ST8SIA1: variants seen among roughly 807,000 people sequenced by gnomAD.
ST8SIA1 encodes alpha-N-acetylneuraminide alpha-2,8-sialyltransferase.
ST8SIA1 carries 16 observed loss-of-function variants against 35.9 expected under a neutral mutation model. The ratio of observed to expected loss-of-function variants is 0.45; its 90% CI spans 0.30 to 0.68. The LOEUF (loss-of-function observed/expected upper bound fraction) is 0.68, where lower values mean the gene tolerates loss of function less well. Ranked by LOEUF, ST8SIA1 falls within the 30% of genes least tolerant of loss-of-function variation. The probability of loss-of-function intolerance (pLI) is 0.09; values close to 1 mark genes in which losing one functional copy is unlikely to be tolerated. For synonymous variants in ST8SIA1, 170 were observed against 169.6 expected (o/e 1.00, Z -0.02); for missense variants, 383 against 453.6 (o/e 0.84, Z 1.41).
chr12:22,319,158 T>TA (rs1866553016), intron 1 of ST8SIA1, among the ~76,000 whole-genome samples: 1 of 152,210 alleles, frequency 6.6e-6, no homozygotes, highest in South Asian at 2.1e-4. Flanking sequence ...TTGCGAATGT[T>TA]AAATGATAAG....
At chr12:22,320,616 G>A (rs374984721) in intron 1 of ST8SIA1, among the ~76,000 whole-genome samples, 84 of 152,176 alleles carry the variant, frequency 5.5e-4, no homozygotes, top group African/African-American at 1.6e-3. Flanking sequence ...AGGCCGAGGC[G>A]GGAGGATCGC....
At chr12:22,311,950 T>C (rs1415972478) in intron 1 of ST8SIA1, among the ~76,000 whole-genome samples, 1 of 152,112 alleles carries the variant, frequency 6.6e-6, no homozygotes, top group Admixed American at 6.6e-5. Context: ...AATTGAGGAA[T>C]TAGTCAGTGG....
intron 4 of ST8SIA1, among the ~76,000 whole-genome samples, chr12:22,210,772 C>T (rs1865167927): frequency 6.6e-6 from 1 of 152,220 alleles, no homozygotes; most frequent in South Asian, 2.1e-4. Context: ...TGCCTCTTCA[C>T]ATATTTTAGG....
chr12:22,227,737 C>T (rs1290807691), intron 4 of ST8SIA1, among the ~76,000 whole-genome samples: 1 of 152,164 alleles, frequency 6.6e-6, no homozygotes, highest in Non-Finnish European at 1.5e-5. Context: ...ATCCTTTTAT[C>T]TTCAGGCACT....
rs758487384 is a variant in ST8SIA1, at chr12:22,201,681, G to A, written c.942C>T (p.Asn314=). Residue 314 remains asparagine (N), a synonymous_variant, in exon 5 of 5, where the codon AAC becomes AAT. Coordinates refer to ENST00000396037, the MANE Select transcript of ST8SIA1 (RefSeq NM_003034.4). Reference sequence around the variant, plus strand: ...CATGGAAGCCAGAAAAGGGTAAGACGTTGTCATAGTAGTGGTGGCTGATGG... The same window carrying A: ...CATGGAAGCCAGAAAAGGGTAAGACATTGTCATAGTAGTGGTGGCTGATGG... ...EQPISHHYYD[N]VLPFSGFHAM... is the part of the protein sequence containing the mutation. 18 of 1,614,006 alleles carry A rather than the reference G, an allele frequency of 1.1e-5. No individual in the cohort carries two copies. The African/African-American group carries it at 1.2e-4, about 11-fold the overall frequency.
At chr12:22,314,566 C>G (rs10492283) in intron 1 of ST8SIA1, among the ~76,000 whole-genome samples, 49,777 of 152,046 alleles carry the variant, frequency 0.33, 8,902 homozygotes, top group Middle Eastern at 0.54. Context: ...TTCTGGTCCA[C>G]ATTCCATGAT....
chr12:22,306,433 T>C (rs1866384105), intron 1 of ST8SIA1, among the ~76,000 whole-genome samples: 1 of 152,156 alleles, frequency 6.6e-6, no homozygotes, highest in Non-Finnish European at 1.5e-5. Flanking sequence ...ACAAGCAAAG[T>C]ACAATTTTTG....
chr12:22,327,036 C>T (rs149602202), intron 1 of ST8SIA1, among the ~76,000 whole-genome samples: 97 of 152,276 alleles, frequency 6.4e-4, no homozygotes, highest in African/African-American at 2.2e-3. Context: ...GACTGATAGA[C>T]TCCCAAGTTA....
chr12:22,204,351 C>T (rs1865083708), intron 4 of ST8SIA1, among the ~76,000 whole-genome samples: 1 of 152,184 alleles, frequency 6.6e-6, no homozygotes, highest in Non-Finnish European at 1.5e-5. Flanking sequence ...GAAATGATTA[C>T]AACAAGCAGG....
chr12:22,205,570 C>G (rs1157431868), intron 4 of ST8SIA1, among the ~76,000 whole-genome samples: 1 of 152,028 alleles, frequency 6.6e-6, no homozygotes, highest in Non-Finnish European at 1.5e-5. Context: ...TGAGAGGGAA[C>G]AGATTCATAC....
chr12:22,231,964 T>C (rs1865426644), intron 4 of ST8SIA1, among the ~76,000 whole-genome samples: 1 of 152,206 alleles, frequency 6.6e-6, no homozygotes, highest in African/African-American at 2.4e-5. Flanking sequence ...CACTTGAATT[T>C]AGCTACTGCT....
intron 4 of ST8SIA1, among the ~76,000 whole-genome samples, chr12:22,215,823 G>C (rs1440287867): frequency 6.6e-6 from 1 of 152,142 alleles, no homozygotes; most frequent in African/African-American, 2.4e-5. Context: ...CAGTGTTACA[G>C]GCTGAGCCAC....
At chr12:22,228,870 A>G (rs1865385108) in intron 4 of ST8SIA1, among the ~76,000 whole-genome samples, 1 of 152,202 alleles carries the variant, frequency 6.6e-6, no homozygotes, top group African/African-American at 2.4e-5. Flanking sequence ...CCTGGCCAAC[A>G]TGGTGAAACC....
intron 2 of ST8SIA1, among the ~76,000 whole-genome samples, chr12:22,267,364 T>C (rs536072570): frequency 1.3e-5 from 2 of 152,344 alleles, no homozygotes; most frequent in African/African-American, 4.8e-5. Context: ...TGATTGATTG[T>C]CTCATATATA....
chr12:22,217,294 A>T (rs1865244959), intron 4 of ST8SIA1, among the ~76,000 whole-genome samples: 1 of 152,216 alleles, frequency 6.6e-6, no homozygotes, highest in Non-Finnish European at 1.5e-5. Context: ...TAAACTTTAA[A>T]AACAGATATT....
chr12:22,322,601 A>G (rs1866615776), intron 1 of ST8SIA1, among the ~76,000 whole-genome samples: 1 of 152,242 alleles, frequency 6.6e-6, no homozygotes, highest in Non-Finnish European at 1.5e-5. Context: ...ACAGACATAT[A>G]TCAACAAGAC....
At chr12:22,244,509 T>C (rs1477409451) in intron 4 of ST8SIA1, among the ~76,000 whole-genome samples, 2 of 152,310 alleles carry the variant, frequency 1.3e-5, no homozygotes, top group East Asian at 1.9e-4. Flanking sequence ...CAGACTTCGG[T>C]TCAGTGGCAC....
intron 4 of ST8SIA1, among the ~76,000 whole-genome samples, chr12:22,236,924 C>T (rs1021997254): frequency 2.0e-5 from 3 of 152,076 alleles, no homozygotes; most frequent in African/African-American, 4.8e-5. Flanking sequence ...ATGTGGAGAA[C>T]GTTCTGACTC....
intron 1 of ST8SIA1, among the ~76,000 whole-genome samples, chr12:22,333,039 G>A (rs2135851095): frequency 6.6e-6 from 1 of 152,290 alleles, no homozygotes; most frequent in South Asian, 2.1e-4. Flanking sequence ...GGGAGGTGGA[G>A]AGGAAGGGGA....
Sources: allele counts gnomAD v4.1 joint callset (sites outside exome capture counted in the v4.1 genomes callset), GRCh38; gene constraint gnomAD v4.1.1; transcripts MANE v1.5; gene names NCBI Gene and HGNC (gene_info 2026-07-23, HGNC 2026-07-21).